The following ADARB2 variants were observed in gnomAD, a reference collection of about 807,000 sequenced individuals.
ADARB2 encodes the protein inactive double-stranded RNA-specific editase B2.
ADARB2 carries 25 observed loss-of-function variants against 62.2 expected under a neutral mutation model. That is an observed-to-expected ratio of 0.40 (90% CI 0.29 to 0.56). The LOEUF is 0.56. Ranked by LOEUF, ADARB2 falls within the 20% of genes least tolerant of loss-of-function variation. The pLI, the probability that ADARB2 is intolerant of heterozygous loss-of-function variation, is 0.43. For missense variants in ADARB2, 1,071 were observed against 1,077.4 expected (o/e 0.99, Z 0.08); for synonymous variants, 572 against 500.8 (o/e 1.14, Z -1.90).
At chr10:1,600,995 C>G (rs1186672053) in intron 1 of ADARB2, among the ~76,000 whole-genome samples, 1 of 152,148 alleles carries the variant, frequency 6.6e-6, no homozygotes, top group Non-Finnish European at 1.5e-5. Flanking sequence ...TGCAGCAGGG[C>G]CTTGCTCAGT....
rs550479303 is a variant in ADARB2, at chr10:1,712,845, A to G, written c.100+24206T>C. ...AGGATGGTCTTAATCTCCTGACCTC[A>G]TGATCTGCCTGTCTTGGCCTCCCAA... is the stretch of plus-strand genomic sequence containing the variant. On this transcript the variant is annotated intron_variant, in intron 1 of 9. Coordinates refer to ENST00000381312, the MANE Select transcript of ADARB2 (RefSeq NM_018702.4). 4.6e-5 allele frequency among the ~76,000 whole-genome samples: 7 copies of G among 152,094 alleles called. No homozygotes were observed. In the South Asian group the frequency reaches 1.2e-3, roughly 27 times the overall value.
intron 1 of ADARB2, among the ~76,000 whole-genome samples, chr10:1,626,261 ATGCTCTCTCCTG>A (rs1833767531): frequency 8.1e-6 from 1 of 123,916 alleles, no homozygotes; most frequent in Admixed American, 8.2e-5. Flanking sequence ...ACATCTGCCC[ATGCTCTCTCCTG>A]CATGGACACA....
intron 1 of ADARB2, among the ~76,000 whole-genome samples, chr10:1,659,715 T>C (rs1834220496): frequency 6.6e-6 from 1 of 152,270 alleles, no homozygotes; most frequent in South Asian, 2.1e-4. Context: ...CAACCCATCA[T>C]GCTGCTTCCA....
At chr10:1,260,774 A>C (rs1175784794) in intron 4 of ADARB2, among the ~76,000 whole-genome samples, 12 of 123,654 alleles carry the variant, frequency 9.7e-5, no homozygotes, top group South Asian at 3.7e-4. Flanking sequence ...GCTACCAATG[A>C]CTTTCTTCAC....
At chr10:1,578,214 G>A (rs562152624) in intron 1 of ADARB2, among the ~76,000 whole-genome samples, 5 of 152,286 alleles carry the variant, frequency 3.3e-5, no homozygotes, top group African/African-American at 1.2e-4. Flanking sequence ...GGAACAGATG[G>A]CACGTGCAGA....
chr10:1,520,388 A>G (rs1461325085), intron 1 of ADARB2, among the ~76,000 whole-genome samples: 1 of 152,216 alleles, frequency 6.6e-6, no homozygotes, highest in African/African-American at 2.4e-5. Context: ...TGGGGTTATG[A>G]GTGACTTTTC....
chr10:1,663,906 C>T (rs184027044), intron 1 of ADARB2, among the ~76,000 whole-genome samples: 1 of 152,318 alleles, frequency 6.6e-6, no homozygotes, highest in African/African-American at 2.4e-5. Flanking sequence ...GTGTGAGCCA[C>T]CACGCCTGGC....
At chr10:1,481,196 G>A (rs1055215385) in intron 1 of ADARB2, among the ~76,000 whole-genome samples, 1 of 152,206 alleles carries the variant, frequency 6.6e-6, no homozygotes, top group African/African-American at 2.4e-5. Flanking sequence ...CAAAGGTGCT[G>A]CAACTAGTCA....
intron 3 of ADARB2, among the ~76,000 whole-genome samples, chr10:1,308,447 G>A (rs796783245): frequency 5.9e-5 from 9 of 152,338 alleles, no homozygotes; most frequent in African/African-American, 1.9e-4. Context: ...CTATGATAAA[G>A]CTACTATAAA....
At chr10:1,628,055 G>A (rs1833793392) in intron 1 of ADARB2, among the ~76,000 whole-genome samples, 1 of 152,266 alleles carries the variant, frequency 6.6e-6, no homozygotes, top group Admixed American at 6.5e-5. Context: ...ACTGGCCTGA[G>A]CTCTGCCCTT....
chr10:1,462,753 A>ATGCATGTG lies in ADARB2; in HGVS notation c.101-83601_101-83594dup, dbSNP rs1335247240. On this transcript the variant is annotated intron_variant, in intron 1 of 9. Transcript: ENST00000381312. ...TGTGTGTATGTGCCTGTGTGTATGT[A>ATGCATGTG]TGCATGTGTGTGCATGTGTTTATGT... Among the ~76,000 whole-genome samples the ATGCATGTG allele has an allele frequency of 4.6e-5, 7 of 151,064 alleles. No homozygotes were observed. In the South Asian group the frequency reaches 1.5e-3, roughly 32 times the overall value.
At chr10:1,735,461 C>G (rs775841636) in intron 1 of ADARB2, among the ~76,000 whole-genome samples, 2 of 152,134 alleles carry the variant, frequency 1.3e-5, no homozygotes, top group Non-Finnish European at 2.9e-5. Context: ...CCACATTCTT[C>G]AACTCTAAAT....
chr10:1,274,496 G>T (rs568327047), intron 3 of ADARB2, among the ~76,000 whole-genome samples: 18 of 152,194 alleles, frequency 1.2e-4, no homozygotes, highest in South Asian at 4.1e-4. Flanking sequence ...AAATGTCTAA[G>T]AAGTGATAGC....
At chr10:1,275,674 C>T (rs1055947107) in intron 3 of ADARB2, among the ~76,000 whole-genome samples, 5 of 109,548 alleles carry the variant, frequency 4.6e-5, no homozygotes, top group African/African-American at 1.8e-4. Context: ...CACCCCACAA[C>T]AGGCCCCGGT....
chr10:1,631,483 C>CA (rs1429819682), intron 1 of ADARB2, among the ~76,000 whole-genome samples: 1 of 152,174 alleles, frequency 6.6e-6, no homozygotes. Flanking sequence ...TGTCAGAGCG[C>CA]AAAAAATATG....
At chr10:1,518,607 T>G (rs1832035583) in intron 1 of ADARB2, among the ~76,000 whole-genome samples, 1 of 152,046 alleles carries the variant, frequency 6.6e-6, no homozygotes, top group African/African-American at 2.4e-5. Flanking sequence ...CATCTGCACA[T>G]GGTATTGTCA....
intron 3 of ADARB2, among the ~76,000 whole-genome samples, chr10:1,327,533 C>T (rs1831879233): frequency 2.4e-5 from 2 of 84,174 alleles, no homozygotes; most frequent in African/African-American, 1.0e-4. Flanking sequence ...CACAGCGCCT[C>T]CTCACTGCCC....
chr10:1,465,504 C>T (rs1831242956), intron 1 of ADARB2, among the ~76,000 whole-genome samples: 2 of 152,156 alleles, frequency 1.3e-5, no homozygotes, highest in South Asian at 2.1e-4. Flanking sequence ...CCTTGGGGAC[C>T]GTGACGACCG....
chr10:1,707,317 G>A (rs1488857959), intron 1 of ADARB2, among the ~76,000 whole-genome samples: 1 of 152,202 alleles, frequency 6.6e-6, no homozygotes, highest in Non-Finnish European at 1.5e-5. Context: ...GGAATAGAGG[G>A]GTGTGTCCCA....
Sources: allele counts gnomAD v4.1 joint callset (sites outside exome capture counted in the v4.1 genomes callset), GRCh38; gene constraint gnomAD v4.1.1; transcripts MANE v1.5; gene names NCBI Gene and HGNC (gene_info 2026-07-23, HGNC 2026-07-21).